PEX5L: variants seen among roughly 807,000 people sequenced by gnomAD.
The protein encoded by PEX5L is peroxisomal biogenesis factor 5 like.
A neutral mutation model predicts 84.0 loss-of-function variants in PEX5L; 30 were observed. The observed-to-expected ratio is 0.36, with a 90% confidence interval of 0.27 to 0.48. The LOEUF (loss-of-function observed/expected upper bound fraction) is 0.48. Among genes scored for constraint, PEX5L ranks in the 20% least tolerant of loss-of-function variants. The pLI, the probability that PEX5L is intolerant of heterozygous loss-of-function variation, is 0.99. For synonymous variants in PEX5L, 270 were observed against 283.1 expected (o/e 0.95, Z 0.46); for missense variants, 533 against 754.6 (o/e 0.71, Z 3.44).
intron 8 of PEX5L, among the ~76,000 whole-genome samples, chr3:179,845,647 C>T (rs1739033175): frequency 6.6e-6 from 1 of 152,184 alleles, no homozygotes; most frequent in African/African-American, 2.4e-5. Flanking sequence ...CTTCTTCTAT[C>T]AACAGCTCCA....
intron 2 of PEX5L, among the ~76,000 whole-genome samples, chr3:179,958,637 T>C (rs769483545): frequency 1.3e-5 from 2 of 152,194 alleles, no homozygotes; most frequent in Non-Finnish European, 2.9e-5. Flanking sequence ...TTCTTTTTGT[T>C]ACAATTTGTT....
chr3:179,859,222 G>A (rs1310012245), intron 7 of PEX5L, 65 bp from the exon 8 acceptor site: 3 of 1,229,000 alleles, frequency 2.4e-6, no homozygotes, highest in African/African-American at 1.5e-5. Context: ...AAATATACAG[G>A]TGCTTTTCCT....
At position 179,797,400 on chromosome 3, in the gene PEX5L, T is replaced by TGAG. The variant is rs1382995277; in HGVS notation, c.*4425_*4427dup. ...AGGCAAGGAACAACAGGCTAACCTATGAGACTTAATCATGCACTGTGTAAA... is the reference window on the plus strand; with the variant it reads ...AGGCAAGGAACAACAGGCTAACCTATGAGGAGACTTAATCATGCACTGTGTAAA... On this transcript the variant is annotated 3_prime_UTR_variant, in exon 15 of 15. Transcript: ENST00000467460. The TGAG allele has an allele frequency of 1.3e-5, 2 of 152,102 alleles. No homozygotes were observed. The highest frequency in any genetic ancestry group is 4.8e-5 in the African/African-American group (2 of 41,424). 9.4% of individuals were successfully genotyped at this position (152,102 alleles called of 1,614,324 possible).
At chr3:179,879,173 C>G (rs543365847) in intron 5 of PEX5L, among the ~76,000 whole-genome samples, 1 of 151,430 alleles carries the variant, frequency 6.6e-6, no homozygotes, top group East Asian at 1.9e-4. Context: ...TCATGTTCCT[C>G]TTGGCTTTCT....
At chr3:179,838,958 C>T (rs944937134) in intron 8 of PEX5L, among the ~76,000 whole-genome samples, 18 of 151,716 alleles carry the variant, frequency 1.2e-4, no homozygotes, top group African/African-American at 4.4e-4. Context: ...TAAATGTATT[C>T]GTTGTTATGG....
intron 8 of PEX5L, among the ~76,000 whole-genome samples, chr3:179,845,569 T>C (rs1424778573): frequency 6.6e-6 from 1 of 152,076 alleles, no homozygotes; most frequent in Non-Finnish European, 1.5e-5. Flanking sequence ...GAAAGAAAAA[T>C]ATATTTCCAA....
intron 3 of PEX5L, among the ~76,000 whole-genome samples, chr3:179,895,274 G>A (rs898076987): frequency 3.3e-5 from 5 of 152,060 alleles, no homozygotes; most frequent in African/African-American, 4.8e-5. Context: ...AATCTGGTGT[G>A]TATTTTATAC....
intron 2 of PEX5L, among the ~76,000 whole-genome samples, chr3:179,960,133 T>C (rs1055326056): frequency 6.6e-6 from 1 of 152,334 alleles, no homozygotes; most frequent in African/African-American, 2.4e-5. Context: ...CTTTCCCTCT[T>C]TGTTCTCTTA....
chr3:179,828,405 C>T (rs1034707642), intron 8 of PEX5L, among the ~76,000 whole-genome samples: 3 of 152,084 alleles, frequency 2.0e-5, no homozygotes, highest in African/African-American at 7.2e-5. Context: ...TTGTGAAGAT[C>T]TGTTAATACA....
At chr3:179,912,065 T>C (rs1272064661) in intron 2 of PEX5L, among the ~76,000 whole-genome samples, 1 of 152,172 alleles carries the variant, frequency 6.6e-6, no homozygotes, top group Non-Finnish European at 1.5e-5. Flanking sequence ...GACTGTTTAG[T>C]TCATAAAGGT....
At chr3:179,955,019 A>AT (rs1211383484) in intron 2 of PEX5L, among the ~76,000 whole-genome samples, 1 of 152,054 alleles carries the variant, frequency 6.6e-6, no homozygotes, top group Non-Finnish European at 1.5e-5. Context: ...GCACAAGCTG[A>AT]TTCACCAAAA....
At chr3:179,919,688 A>C (rs928613138) in intron 2 of PEX5L, among the ~76,000 whole-genome samples, 24 of 152,156 alleles carry the variant, frequency 1.6e-4, no homozygotes, top group African/African-American at 5.8e-4. Context: ...AGAAAAACCC[A>C]AAACAAATTA....
intron 8 of PEX5L, among the ~76,000 whole-genome samples, chr3:179,826,706 T>G (rs899489699): frequency 1.6e-4 from 24 of 152,024 alleles, no homozygotes; most frequent in Non-Finnish European, 2.9e-5. Flanking sequence ...ACTAGAGGAG[T>G]GGGAGTCAGT....
At chr3:179,921,535 T>C (rs573045159) in intron 2 of PEX5L, 2 of 152,342 alleles carry the variant, frequency 1.3e-5, no homozygotes, top group African/African-American at 2.4e-5. Context: ...TTGATCTTTA[T>C]GACTATTCTT....
chr3:180,006,949 T>C (rs1045722746), intron 1 of PEX5L, among the ~76,000 whole-genome samples: 2 of 152,072 alleles, frequency 1.3e-5, no homozygotes, highest in Non-Finnish European at 2.9e-5. Flanking sequence ...CCTAAAAATC[T>C]CATGTCCTTA....
At chr3:179,820,054 G>A in intron 8 of PEX5L, 78 bp from the exon 9 acceptor site, 1 of 1,589,616 alleles carries the variant, frequency 6.3e-7, no homozygotes, top group Admixed American at 1.8e-5. Flanking sequence ...CCCCCTAATA[G>A]ATAAAAGAGG....
chr3:179,833,166 TGATTACA>T (rs1366639188), intron 8 of PEX5L, among the ~76,000 whole-genome samples: 3 of 152,240 alleles, frequency 2.0e-5, no homozygotes, highest in Non-Finnish European at 1.5e-5. Flanking sequence ...TTAGCCTGTA[TGATTACA>T]GTGGGAATGG....
intron 8 of PEX5L, among the ~76,000 whole-genome samples, chr3:179,831,672 C>A (rs999681877): frequency 6.6e-6 from 1 of 152,000 alleles, no homozygotes; most frequent in Non-Finnish European, 1.5e-5. Context: ...GAGAACCCAA[C>A]CTAGACTTAG....
intron 1 of PEX5L, among the ~76,000 whole-genome samples, chr3:180,031,421 T>C (rs1791455581): frequency 6.6e-6 from 1 of 152,236 alleles, no homozygotes; most frequent in African/African-American, 2.4e-5. Flanking sequence ...CATAGCACTC[T>C]GGCCTTGGAT....
Sources: gnomAD v4.1 joint callset for allele counts (sites outside exome capture counted in the v4.1 genomes callset) on GRCh38, gnomAD v4.1.1 for gene constraint, MANE v1.5 for transcripts, NCBI Gene and HGNC (gene_info 2026-07-23, HGNC 2026-07-21) for gene names.